The following ARHGEF4 variants were observed in gnomAD, a reference collection of about 807,000 sequenced individuals.
ARHGEF4 encodes Rho guanine nucleotide exchange factor 4.
ARHGEF4 carries 119 observed loss-of-function variants against 162.0 expected under a neutral mutation model. The observed-to-expected ratio is 0.73, with a 90% CI of 0.63 to 0.86. The LOEUF is 0.86. Among genes scored for constraint, ARHGEF4 ranks in the 40% least tolerant of loss-of-function variants. The pLI is 0.00. For missense variants in ARHGEF4, 2,488 were observed against 2,456.0 expected (o/e 1.01, Z -0.28); for synonymous variants, 1,014 against 979.9 (o/e 1.03, Z -0.65).
intron 5 of ARHGEF4, among the ~76,000 whole-genome samples, chr2:131,029,001 G>A (rs908223852): frequency 6.6e-6 from 1 of 152,146 alleles, no homozygotes; most frequent in South Asian, 2.1e-4. Context: ...TTACCCACTG[G>A]ACAGAGGAGT....
chr2:130,848,794 A>T (rs1004494672), intron 1 of ARHGEF4, among the ~76,000 whole-genome samples: 5 of 152,168 alleles, frequency 3.3e-5, no homozygotes, highest in African/African-American at 1.2e-4. Flanking sequence ...TGTGAGTGGG[A>T]CAGGGATACA....
chr2:130,937,934 T>G (rs1558744077), intron 3 of ARHGEF4, among the ~76,000 whole-genome samples: 1 of 152,192 alleles, frequency 6.6e-6, no homozygotes, highest in Non-Finnish European at 1.5e-5. Context: ...CCCAAAGTGC[T>G]GGGATTACAG....
At chr2:130,891,508 G>A (rs551299253) in intron 1 of ARHGEF4, among the ~76,000 whole-genome samples, 1 of 152,282 alleles carries the variant, frequency 6.6e-6, no homozygotes, top group South Asian at 2.1e-4. Context: ...CAGCTCAGCT[G>A]CCATAACAAC....
chr2:130,849,879 T>A (rs1457063550), intron 1 of ARHGEF4, among the ~76,000 whole-genome samples: 6 of 152,186 alleles, frequency 3.9e-5, no homozygotes, highest in African/African-American at 1.4e-4. Context: ...ATACACTTTT[T>A]AAAAAACGGT....
At chr2:130,902,287 G>A (rs1371464783) in intron 1 of ARHGEF4, among the ~76,000 whole-genome samples, 2 of 150,596 alleles carry the variant, frequency 1.3e-5, no homozygotes, top group Admixed American at 6.6e-5. Context: ...ACAGAACTGC[G>A]GGTTCTCTGG....
rs72992483 is a variant in ARHGEF4, at chr2:130,925,406, C to T, written c.3553-5546C>T. Among the ~76,000 whole-genome samples, 476 of 152,240 alleles carry T rather than the reference C, an allele frequency of 3.1e-3. 2 individuals are homozygous for T. Among genetic ancestry groups the T allele is most frequent in the African/African-American group, 0.011 (437 of 41,550 alleles). Reference sequence around the variant, plus strand: ...GTCTTTTCGAGAAACAATGCTGGAGCATTTGGACATCCAAAGCAAAAAAAG... The same window carrying T: ...GTCTTTTCGAGAAACAATGCTGGAGTATTTGGACATCCAAAGCAAAAAAAG... On this transcript the variant is annotated intron_variant, in intron 2 of 13. Coordinates refer to ENST00000409359, the MANE Select transcript of ARHGEF4 (RefSeq NM_001367493.1).
At chr2:130,943,303 G>A (rs1477243617) in intron 3 of ARHGEF4, among the ~76,000 whole-genome samples, 4 of 151,962 alleles carry the variant, frequency 2.6e-5, no homozygotes, top group African/African-American at 4.8e-5. Context: ...GTGTGGCATC[G>A]TTTTTCACCC....
intron 1 of ARHGEF4, among the ~76,000 whole-genome samples, chr2:130,893,764 T>C (rs1679996789): frequency 1.3e-5 from 2 of 152,200 alleles, no homozygotes; most frequent in African/African-American, 4.8e-5. Flanking sequence ...CCCCTGCCCC[T>C]TGAATCAGCC....
intron 1 of ARHGEF4, among the ~76,000 whole-genome samples, chr2:130,906,788 G>C: frequency 6.6e-6 from 1 of 152,112 alleles, no homozygotes; most frequent in East Asian, 1.9e-4. Flanking sequence ...TCCTACCCCT[G>C]TCAGCATGGC....
At chr2:130,839,887 C>G (rs2104847780) in intron 1 of ARHGEF4, among the ~76,000 whole-genome samples, 1 of 152,260 alleles carries the variant, frequency 6.6e-6, no homozygotes, top group East Asian at 1.9e-4. Context: ...TATGTCCTAA[C>G]ACTTAGGGTA....
At chr2:130,942,167 T>TTGG (rs1683344807) in intron 3 of ARHGEF4, among the ~76,000 whole-genome samples, 1 of 146,784 alleles carries the variant, frequency 6.8e-6, no homozygotes, top group Non-Finnish European at 1.5e-5. Context: ...TTTTTTTTTT[T>TTGG]GAGACGGAGT....
chr2:131,003,277 T>G (rs1245369060), intron 4 of ARHGEF4, among the ~76,000 whole-genome samples: 3 of 152,220 alleles, frequency 2.0e-5, no homozygotes, highest in African/African-American at 7.2e-5. Flanking sequence ...CCTCAGTTCC[T>G]GATTTATAAA....
At chr2:131,008,240 G>A (rs937660411) in intron 4 of ARHGEF4, among the ~76,000 whole-genome samples, 1 of 152,056 alleles carries the variant, frequency 6.6e-6, no homozygotes, top group African/African-American at 2.4e-5. Flanking sequence ...AATCAATGCT[G>A]GAATCAATAT....
At chr2:131,033,774 G>A (rs995869359) in intron 5 of ARHGEF4, among the ~76,000 whole-genome samples, 1 of 152,152 alleles carries the variant, frequency 6.6e-6, no homozygotes, top group Admixed American at 6.5e-5. Context: ...ATGGGCCCAG[G>A]CTGAACCTTC....
chr2:130,936,496 G>T (rs1265170321), intron 3 of ARHGEF4, among the ~76,000 whole-genome samples: 2 of 152,126 alleles, frequency 1.3e-5, no homozygotes, highest in Admixed American at 6.5e-5. Flanking sequence ...TTGGTTATTA[G>T]TTGCATGGGA....
At position 130,890,314 on chromosome 2, in the gene ARHGEF4, C is replaced by T. The variant is rs540002440; in HGVS notation, c.40-23672C>T. ...TGGTGGCTCACACCTGTAATCCCAGCACTTTGGGAAGCCAAGGCAGGTGGA... is the reference window on the plus strand; with the variant it reads ...TGGTGGCTCACACCTGTAATCCCAGTACTTTGGGAAGCCAAGGCAGGTGGA... On this transcript the variant is annotated intron_variant, in intron 1 of 13. Coordinates refer to ENST00000409359, the MANE Select transcript of ARHGEF4 (RefSeq NM_001367493.1). Among the ~76,000 whole-genome samples, 9 of 152,334 alleles carry T rather than the reference C, an allele frequency of 5.9e-5. No homozygotes were observed. The South Asian group carries it at 1.9e-3, about 32-fold the overall frequency.
At chr2:130,838,605 C>CA (rs1034542423) in intron 1 of ARHGEF4, among the ~76,000 whole-genome samples, 4 of 145,444 alleles carry the variant, frequency 2.8e-5, no homozygotes, top group Non-Finnish European at 4.5e-5. Flanking sequence ...GACTCCGTCT[C>CA]AAAAAAAAGA....
At chr2:131,008,200 ATTTG>A (rs1418126386) in intron 4 of ARHGEF4, among the ~76,000 whole-genome samples, 3 of 152,096 alleles carry the variant, frequency 2.0e-5, no homozygotes, top group African/African-American at 7.2e-5. Context: ...ATAATGTTCA[ATTTG>A]TTTGTCTGTA....
chr2:130,864,335 C>T (rs1196673775), intron 1 of ARHGEF4, among the ~76,000 whole-genome samples: 1 of 151,256 alleles, frequency 6.6e-6, no homozygotes, highest in Non-Finnish European at 1.5e-5. Context: ...TACCCAGGAT[C>T]AGCAGGTCTA....
Sources: gnomAD v4.1 joint callset for allele counts (sites outside exome capture counted in the v4.1 genomes callset) on GRCh38, gnomAD v4.1.1 for gene constraint, MANE v1.5 for transcripts, NCBI Gene and HGNC (gene_info 2026-07-23, HGNC 2026-07-21) for gene names.